The following CALHM3 variants were observed in gnomAD, a reference collection of about 807,000 sequenced individuals.
The protein encoded by CALHM3 is calcium homeostasis modulator 3.
A neutral mutation model predicts 13.6 loss-of-function variants in CALHM3; 9 were observed. That is an observed-to-expected ratio of 0.66 (90% CI 0.40 to 1.15). The LOEUF (loss-of-function observed/expected upper bound fraction) is 1.15. CALHM3 is among the 50% of genes most tolerant of loss of function. The pLI is 0.01. For synonymous variants in CALHM3, 231 were observed against 213.2 expected, an observed-to-expected ratio of 1.08 and a Z score of -0.73; for missense variants, 497 against 463.4, an observed-to-expected ratio of 1.07 and a Z score of -0.67.
In CALHM3 at chr10:103,473,345, G is replaced by C. The variant is rs1192846165; in HGVS notation, c.903C>G (p.Leu301=). 1.3e-6 allele frequency: 2 copies of C among 1,505,834 alleles called. No homozygotes were observed. The highest frequency in any genetic ancestry group is 1.3e-5 in the South Asian group (1 of 77,106). 93.3% of individuals were successfully genotyped at this position (1,505,834 alleles called of 1,614,324 possible). A position where few individuals can be genotyped will look rare whatever the true frequency, so the allele number is the denominator to read the frequency against. ...GCTTGCTGGAGTACCACGTGCTTAG[G>C]AGGCGGTCCACCTGCTCCCGGCTGG... The part of the protein sequence containing the change: ...AISSREQVDR[L]LSTWYSSKPP... Residue 301 remains leucine (L), a synonymous_variant, in exon 3 of 3, where the codon CTC becomes CTG. Coordinates refer to ENST00000369783, the MANE Select transcript of CALHM3 (RefSeq NM_001129742.2).
In CALHM3 at chr10:103,473,723, C is replaced by T. The variant is rs1352420060; in HGVS notation, c.544-19G>A. 2 of 1,535,714 alleles carry T rather than the reference C, an allele frequency of 1.3e-6. No homozygotes were observed. Among genetic ancestry groups the T allele is most frequent in the Admixed American group, 2.0e-5 (1 of 49,786 alleles). On this transcript the variant is annotated intron_variant, in intron 2 of 2. Coordinates refer to ENST00000369783, the MANE Select transcript of CALHM3 (RefSeq NM_001129742.2). ...CGATGGCCTGCAAAGTAAGGAGGCC[C>T]GAGGTTAGATGTGAGTGGGGCCTAA... is the stretch of plus-strand genomic sequence containing the variant.
At position 103,476,455 on chromosome 10, in the gene CALHM3, A is replaced by C; in HGVS notation, c.382T>G (p.Phe128Val). ...TTCTCAGGGTCCACAGAGCTGCTGA[A>C]GGCACACACGAAGCACTTCCCGTCA... is the stretch of plus-strand genomic sequence containing the variant. ...LLDGKCFVCA[F>V]SSSVDPEKFL... Residue 128 changes from phenylalanine to valine, a missense_variant, in exon 2 of 3, where the codon TTC (phenylalanine) becomes GTC (valine). By Grantham distance (50) the Phe-to-Val change is conservative. Coordinates refer to ENST00000369783, the MANE Select transcript of CALHM3 (RefSeq NM_001129742.2). The C allele has an allele frequency of 6.4e-7, 1 of 1,551,724 alleles. No individual in the cohort carries two copies. Among genetic ancestry groups the C allele is most frequent in the Non-Finnish European group, 8.7e-7 (1 of 1,147,000 alleles).
Position 103,478,772 on chromosome 10 carries a change from G to A in CALHM3, c.261C>T (p.His87=). The change falls in exon 1 of 3, where the codon CAC becomes CAT. Residue 87 remains histidine, a synonymous_variant. Coordinates refer to ENST00000369783, the MANE Select transcript of CALHM3 (RefSeq NM_001129742.2). ...TGATGATGCCTGGGTCCTTCCTCCG[G>A]TGCCCTGCGGGCCGGCGCCACTCCT... ...MVEEWRRPAG[H]RRKDPGIIRY... The A allele has an allele frequency of 6.5e-7, 1 of 1,543,098 alleles. No individual in the cohort carries two copies. The highest frequency in any genetic ancestry group is 8.8e-7 in the Non-Finnish European group (1 of 1,142,236).
chr10:103,478,698 G>A (rs2033418873), intron 1 of CALHM3, 48 bp downstream of exon 1: 3 of 1,466,094 alleles, frequency 2.0e-6, no homozygotes, highest in African/African-American at 1.4e-5. Context: ...GGGTGGCTGG[G>A]GAGCCCCTGG....
At position 103,473,593 on chromosome 10, in the gene CALHM3, A is replaced by G; in HGVS notation, c.655T>C (p.Tyr219His). 6.4e-7 allele frequency: 1 copy of G among 1,551,360 alleles called. No individual in the cohort carries two copies. The highest frequency in any genetic ancestry group is 8.7e-7 in the Non-Finnish European group (1 of 1,147,012). ...AAGAGCTTCTGCTCCAGGTCCACGT[A>G]GTTGCTCCAGTATCTGCGCTGCAGG... ...VFLQRRYWSNYVDLEQKLFDE... is the reference protein window; with the variant it reads ...VFLQRRYWSNHVDLEQKLFDE... Residue 219 changes from tyrosine to histidine, a missense_variant, in exon 3 of 3, where the codon TAC (tyrosine) becomes CAC (histidine). Tyr to His is a moderately conservative substitution (Grantham distance 83). Transcript: ENST00000369783.
chr10:103,478,997 C>A lies in CALHM3; in HGVS notation c.36G>T (p.Gln12His). Reference protein sequence around the residue: ...DKFRMLFQHFQSSSESVMNGI... With the variant: ...DKFRMLFQHFHSSSESVMNGI... The stretch of plus-strand genomic sequence containing the variant: ...CATTCATCACCGACTCCGAGCTTGA[C>A]TGGAAGTGCTGGAAGAGCATGCGGA... The change falls in exon 1 of 3, where the codon CAG becomes CAT. Residue 12 changes from glutamine (Q) to histidine (H), a missense_variant. By Grantham distance (24) the Gln-to-His change is conservative. Coordinates refer to ENST00000369783, the MANE Select transcript of CALHM3 (RefSeq NM_001129742.2). 1 of 1,551,464 alleles carries A rather than the reference C, an allele frequency of 6.4e-7. No homozygotes were observed. Among genetic ancestry groups the A allele is most frequent in the Middle Eastern group, 1.7e-4 (1 of 5,984 alleles).
chr10:103,473,499 A>T lies in CALHM3; in HGVS notation c.749T>A (p.Met250Lys). Residue 250 changes from methionine to lysine, a missense_variant, in exon 3 of 3, where the codon ATG (methionine) becomes AAG (lysine). Physicochemically the swap from Met to Lys is moderately conservative, Grantham distance 95. Coordinates refer to ENST00000369783, the MANE Select transcript of CALHM3 (RefSeq NM_001129742.2). ...CCCCCGCGCCTGCAGCTCACTCCGC[A>T]TGCTGGCAAAGAAGTGCAGCACGCA... is the stretch of plus-strand genomic sequence containing the variant. The part of the protein sequence containing the change: ...HRCVLHFFAS[M>K]RSELQARGLR... The T allele has an allele frequency of 1.9e-6, 3 of 1,550,930 alleles. No individual in the cohort carries two copies. The highest frequency in any genetic ancestry group is 2.4e-5 in the South Asian group (2 of 84,038).
chr10:103,477,587 C>CT (rs946328945), intron 1 of CALHM3, among the ~76,000 whole-genome samples: 3 of 151,920 alleles, frequency 2.0e-5, no homozygotes, highest in Non-Finnish European at 4.4e-5. Flanking sequence ...CTTTTTTTGT[C>CT]TTTTTTGAGT....
Position 103,472,879 on chromosome 10 carries a change from C to T in CALHM3, c.*334G>A. The T allele has an allele frequency of 3.6e-6, 1 of 277,852 alleles. No individual in the cohort carries two copies. The highest frequency in any genetic ancestry group is 6.7e-6 in the Non-Finnish European group (1 of 150,222). The allele number at this position is 277,852 out of a possible 1,614,324, so 17.2% of individuals were successfully genotyped here. On this transcript the variant is annotated 3_prime_UTR_variant, in exon 3 of 3. Transcript: ENST00000369783. Reference sequence around the variant, plus strand: ...GAACCCAGAACCCATGGCAGATTTACTTAGATTCTTGCTACTCAAAGTTTG... The same window carrying T: ...GAACCCAGAACCCATGGCAGATTTATTTAGATTCTTGCTACTCAAAGTTTG...
intron 2 of CALHM3, among the ~76,000 whole-genome samples, chr10:103,475,959 A>G (rs2033382656): frequency 6.6e-6 from 1 of 152,210 alleles, no homozygotes; most frequent in South Asian, 2.1e-4. Flanking sequence ...CTTTGGCCTT[A>G]TGAACTAAAC....
At chr10:103,477,194 C>G (rs2033399551) in intron 1 of CALHM3, among the ~76,000 whole-genome samples, 1 of 152,212 alleles carries the variant, frequency 6.6e-6, no homozygotes, top group African/African-American at 2.4e-5. Context: ...TCTAACACCC[C>G]TACCCACAAG....
chr10:103,478,624 G>A (rs1421539306), intron 1 of CALHM3, 122 bp downstream of exon 1: 1 of 1,033,074 alleles, frequency 9.7e-7, no homozygotes, highest in African/African-American at 1.6e-5. Context: ...CCTGTAGGGT[G>A]GGTGGAGAAT....
rs199912946 is a variant in CALHM3, at chr10:103,476,307, C to T, written c.530G>A (p.Arg177Gln). 3.6e-4 allele frequency: 551 copies of T among 1,551,358 alleles called. 1 individual carries two copies. In the Middle Eastern group the frequency reaches 3.8e-3, roughly 11 times the overall value. Residue 177 changes from arginine to glutamine, a missense_variant, in exon 2 of 3, where the codon CGG becomes CAG. Arg to Gln is a conservative substitution (Grantham distance 43). Coordinates refer to ENST00000369783, the MANE Select transcript of CALHM3 (RefSeq NM_001129742.2). Reference protein sequence around the residue: ...PARKAVSRYLRCLSQAIGWSV... With the variant: ...PARKAVSRYLQCLSQAIGWSV... The stretch of plus-strand genomic sequence containing the variant: ...CACCCCAGTTACCTGTGACAGGCAC[C>T]GCAGGTAGCGAGACACTGCCTTCCG...
rs892734550 is a variant in CALHM3, at chr10:103,473,588, C to T, written c.660G>A (p.Val220=). ...CGTCGAAGAGCTTCTGCTCCAGGTC[C>T]ACGTAGTTGCTCCAGTATCTGCGCT... ...FLQRRYWSNY[V]DLEQKLFDET... is the part of the protein sequence containing the mutation. Residue 220 remains valine (V), a synonymous_variant, in exon 3 of 3, where the codon GTG becomes GTA. Coordinates refer to ENST00000369783, the MANE Select transcript of CALHM3 (RefSeq NM_001129742.2). 221 of 1,551,378 alleles carry T rather than the reference C, an allele frequency of 1.4e-4. 2 individuals are homozygous for T. In the East Asian group the frequency reaches 5.4e-3, roughly 38 times the overall value.
At position 103,476,548 on chromosome 10, in the gene CALHM3, A is replaced by G. The variant is rs1163175822; in HGVS notation, c.289T>C (p.Tyr97His). 1 of 1,551,136 alleles carries G rather than the reference A, an allele frequency of 6.4e-7. No individual in the cohort carries two copies. Among genetic ancestry groups the G allele is most frequent in the Admixed American group, 2.0e-5 (1 of 51,000 alleles). Residue 97 changes from tyrosine (Y) to histidine (H), a missense_variant and splice_region_variant, in exon 2 of 3, where the codon TAC (tyrosine) becomes CAC (histidine). Physicochemically the swap from Tyr to His is moderately conservative, Grantham distance 83. Transcript: ENST00000369783. Reference protein sequence around the residue: ...HRRKDPGIIRYMCSSVLQRAL... With the variant: ...HRRKDPGIIRHMCSSVLQRAL... ...CTCTGCAGCACAGAGGAGCACATGT[A>G]CCTGGCAGCAGAGGAAGGAGGGGGG...
Position 103,476,505 on chromosome 10 carries a change from AG to A in CALHM3, c.331del (p.Leu111TrpfsTer33), listed in dbSNP as rs1321432844. On this transcript the variant is annotated frameshift_variant, in exon 2 of 3. Transcript: ENST00000369783. LOFTEE classifies it high-confidence loss of function. ...AAGGAGGGCCAGCAGGATCCAGACC[AG>A]GGGGGCGGCCAGCGCCCTCTGCAGC... The part of the protein sequence containing the change: ...SVLQRALAAP[L>X]VWILLALLDG... The A allele has an allele frequency of 6.4e-7, 1 of 1,551,580 alleles. No homozygotes were observed. The highest frequency in any genetic ancestry group is 2.4e-5 in the East Asian group (1 of 40,902).
chr10:103,473,502 C>T lies in CALHM3; in HGVS notation c.746G>A (p.Ser249Asn). The T allele has an allele frequency of 6.4e-7, 1 of 1,550,914 alleles. No homozygotes were observed. ...AHRCVLHFFA[S>N]MRSELQARGL... ...CCGCGCCTGCAGCTCACTCCGCATGCTGGCAAAGAAGTGCAGCACGCAGCG... is the reference window on the plus strand; with the variant it reads ...CCGCGCCTGCAGCTCACTCCGCATGTTGGCAAAGAAGTGCAGCACGCAGCG... Residue 249 changes from serine to asparagine, a missense_variant, in exon 3 of 3, where the codon AGC (serine) becomes AAC (asparagine). By Grantham distance (46) the Ser-to-Asn change is conservative (BLOSUM62 1). Transcript: ENST00000369783.
At chr10:103,478,645 T>C in intron 1 of CALHM3, 101 bp downstream of exon 1, 1 of 1,201,058 alleles carries the variant, frequency 8.3e-7, no homozygotes. Context: ...CCCCTGATAA[T>C]GAGAATGGTT....
At position 103,473,196 on chromosome 10, in the gene CALHM3, C is replaced by T; in HGVS notation, c.*17G>A. The T allele has an allele frequency of 7.4e-7, 1 of 1,342,282 alleles. No homozygotes were observed. Among genetic ancestry groups the T allele is most frequent in the African/African-American group, 1.5e-5 (1 of 65,764 alleles). 83.1% of individuals were successfully genotyped at this position (1,342,282 alleles called of 1,614,324 possible). ...ATTTCACCTGCGAACACTGCCGCTT[C>T]AAGCCTGGCCAGGACCCTACACGTC... On this transcript the variant is annotated 3_prime_UTR_variant, in exon 3 of 3. Coordinates refer to ENST00000369783, the MANE Select transcript of CALHM3 (RefSeq NM_001129742.2).
Sources: gnomAD v4.1 joint callset for allele counts (sites outside exome capture counted in the v4.1 genomes callset) on GRCh38, gnomAD v4.1.1 for gene constraint, MANE v1.5 for transcripts, NCBI Gene and HGNC (gene_info 2026-07-23, HGNC 2026-07-21) for gene names.